The following ZNF343 variants were observed in gnomAD, a reference collection of about 807,000 sequenced individuals.
ZNF343 encodes zinc finger protein 343.
A neutral mutation model predicts 13.8 loss-of-function variants in ZNF343; 11 were observed. The ratio of observed to expected loss-of-function variants is 0.80; its 90% CI spans 0.50 to 1.32. The LOEUF (loss-of-function observed/expected upper bound fraction) is 1.32, where lower values mean the gene tolerates loss of function less well. Ranked by LOEUF, ZNF343 falls within the 40% of genes most tolerant of loss-of-function variation. The pLI is 0.00. For missense variants in ZNF343, 658 were observed against 714.2 expected, an observed-to-expected ratio of 0.92 and a Z score of 0.90; for synonymous variants, 248 against 260.0, an observed-to-expected ratio of 0.95 and a Z score of 0.44.
At chr20:2,502,671 G>A (rs2085589218) in intron 1 of ZNF343, among the ~76,000 whole-genome samples, 1 of 152,146 alleles carries the variant, frequency 6.6e-6, no homozygotes, top group South Asian at 2.1e-4. Flanking sequence ...CATTCTTAAA[G>A]AAAAGAATTT....
intron 5 of ZNF343, among the ~76,000 whole-genome samples, chr20:2,490,387 G>C (rs2085347326): frequency 6.6e-6 from 1 of 152,182 alleles, no homozygotes; most frequent in Non-Finnish European, 1.5e-5. Flanking sequence ...GGAGACTGCG[G>C]AACATTATGG....
At chr20:2,491,664 C>T (rs1444831660) in intron 5 of ZNF343, among the ~76,000 whole-genome samples, 1 of 152,148 alleles carries the variant, frequency 6.6e-6, no homozygotes, top group Non-Finnish European at 1.5e-5. Context: ...TTTATTGGAA[C>T]ATATCAATGC....
chr20:2,490,220 T>C (rs1262631585), intron 5 of ZNF343, among the ~76,000 whole-genome samples: 2 of 152,112 alleles, frequency 1.3e-5, no homozygotes, highest in African/African-American at 2.4e-5. Flanking sequence ...TTCATTATAA[T>C]GTGTGATGGG....
At chr20:2,492,641 TAGGTGATC>T in intron 5 of ZNF343, 50 bp downstream of exon 5, 1 of 1,580,708 alleles carries the variant, frequency 6.3e-7, no homozygotes, top group Non-Finnish European at 8.6e-7. Context: ...TGGTACATAT[TAGGTGATC>T]AGTAAATCTC....
At chr20:2,509,831 T>TA (rs2085727349), upstream of ZNF343, among the ~76,000 whole-genome samples, 1 of 152,238 alleles carries the variant, frequency 6.6e-6, no homozygotes, top group Non-Finnish European at 1.5e-5. Flanking sequence ...TTTTACTTGT[T>TA]ACTGAAGGGG....
Position 2,483,217 on chromosome 20 carries a change from A to C in ZNF343, c.1744T>G (p.Cys582Gly), listed in dbSNP as rs896564332. The stretch of plus-strand genomic sequence containing the variant: ...GACTTATGACTAAAGCCTCGCCCAC[A>C]CTCCCTACAAACATAATGCTTCTCC... ...SGEKHYVCRECGRGFSHKSNL... is the reference protein window; with the variant it reads ...SGEKHYVCREGGRGFSHKSNL... Residue 582 changes from cysteine to glycine, a missense_variant, in exon 6 of 6, where the codon TGT (cysteine) becomes GGT (glycine). Transcript: ENST00000278772. 1.2e-6 allele frequency: 2 copies of C among 1,612,242 alleles called. No homozygotes were observed. The highest frequency in any genetic ancestry group is 1.7e-6 in the Non-Finnish European group (2 of 1,179,318).
chr20:2,490,669 C>G (rs2085353947), intron 5 of ZNF343, among the ~76,000 whole-genome samples: 1 of 151,844 alleles, frequency 6.6e-6, no homozygotes, highest in Non-Finnish European at 1.5e-5. Flanking sequence ...TCCTGAGTAG[C>G]TGGGATTACA....
upstream of ZNF343, among the ~76,000 whole-genome samples, chr20:2,511,019 C>G (rs1007538479): frequency 2.0e-4 from 30 of 152,126 alleles, no homozygotes; most frequent in Admixed American, 1.4e-3. Flanking sequence ...TCTGGGAGGC[C>G]TGATGTTTGG....
chr20:2,496,402 T>G (rs2085459774), intron 2 of ZNF343, among the ~76,000 whole-genome samples: 1 of 152,078 alleles, frequency 6.6e-6, no homozygotes, highest in African/African-American at 2.4e-5. Context: ...TGGTGGCAGT[T>G]AAGAGCAGTC....
At chr20:2,519,306 A>G (rs1377327613) in intron 1 of ZNF343, among the ~76,000 whole-genome samples, 1 of 152,156 alleles carries the variant, frequency 6.6e-6, no homozygotes, top group Admixed American at 6.5e-5. Context: ...TGACTGTGAC[A>G]CTGACTCTCC....
chr20:2,495,622 T>A (rs972708182), intron 2 of ZNF343: 5 of 152,170 alleles, frequency 3.3e-5, no homozygotes, highest in Non-Finnish European at 7.3e-5. Context: ...AACACTAGTA[T>A]CTGTAGCTAA....
At chr20:2,523,703 C>T (rs1421528667) in intron 1 of ZNF343, among the ~76,000 whole-genome samples, 5 of 96,986 alleles carry the variant, frequency 5.2e-5, no homozygotes, top group Admixed American at 1.5e-4. Flanking sequence ...TTTTTTGAGA[C>T]GGAATCTCGC....
In ZNF343 at chr20:2,492,658, T is replaced by C. The variant is rs779798573; in HGVS notation, c.304+41A>G. On this transcript the variant is annotated intron_variant, in intron 5 of 5. Transcript: ENST00000278772. ...GTACATATTAGGTGATCAGTAAATC[T>C]CTACTGAATTAATGAAGGAAAGGAA... The C allele has an allele frequency of 3.1e-6, 5 of 1,595,298 alleles. No homozygotes were observed. In the South Asian group the frequency reaches 5.7e-5, roughly 18 times the overall value.
chr20:2,521,095 G>T (rs781371342), intron 1 of ZNF343, among the ~76,000 whole-genome samples: 3 of 152,204 alleles, frequency 2.0e-5, no homozygotes, highest in Non-Finnish European at 4.4e-5. Context: ...ATAGCATCTG[G>T]AAGGAGAAGC....
At chr20:2,513,473 TAAC>T (rs2085746794), upstream of ZNF343, among the ~76,000 whole-genome samples, 1 of 152,194 alleles carries the variant, frequency 6.6e-6, no homozygotes, top group South Asian at 2.1e-4. Context: ...TAATGGAAAA[TAAC>T]AACTGTTGGC....
intron 1 of ZNF343, among the ~76,000 whole-genome samples, chr20:2,507,286 A>G (rs1194307963): frequency 1.3e-5 from 2 of 149,060 alleles, no homozygotes; most frequent in African/African-American, 2.5e-5. Context: ...AAAAAAAAAG[A>G]GCAGGCCTCC....
At chr20:2,507,063 G>A (rs1456948648) in intron 1 of ZNF343, among the ~76,000 whole-genome samples, 6 of 151,896 alleles carry the variant, frequency 4.0e-5, no homozygotes, top group African/African-American at 1.2e-4. Context: ...TCAGGAGTTC[G>A]AGACCAGCCT....
upstream of ZNF343, among the ~76,000 whole-genome samples, chr20:2,509,392 A>T (rs1193328236): frequency 1.3e-5 from 2 of 152,172 alleles, no homozygotes; most frequent in Admixed American, 1.3e-4. Flanking sequence ...GCCGCCTCCC[A>T]GCGTCTCAGT....
Position 2,483,592 on chromosome 20 carries a change from G to T in ZNF343, c.1369C>A (p.Arg457=), listed in dbSNP as rs148940613. ...CDKSTLIIHE[R]THSGEKPYVC... ...TAAGGCTTCTCTCCAGAGTGCGTCCGCTCGTGTATGATGAGGGTTGACTTG... is the reference window on the plus strand; with the variant it reads ...TAAGGCTTCTCTCCAGAGTGCGTCCTCTCGTGTATGATGAGGGTTGACTTG... Residue 457 remains arginine, a synonymous_variant, in exon 6 of 6, where the codon CGG becomes AGG. Coordinates refer to ENST00000278772, the MANE Select transcript of ZNF343 (RefSeq NM_024325.6). 88 of 1,586,240 alleles carry T rather than the reference G, an allele frequency of 5.5e-5. 1 individual carries two copies. The South Asian group carries it at 6.7e-4, about 12-fold the overall frequency.
Sources: gnomAD v4.1 joint callset for allele counts (sites outside exome capture counted in the v4.1 genomes callset) on GRCh38, gnomAD v4.1.1 for gene constraint, MANE v1.5 for transcripts, NCBI Gene and HGNC (gene_info 2026-07-23, HGNC 2026-07-21) for gene names.